FHOD3: variants seen among roughly 807,000 people sequenced by gnomAD.
FHOD3 encodes the protein formin homology 2 domain containing 3.
FHOD3 carries 90 observed loss-of-function variants against 173.0 expected under a neutral mutation model. That is an observed-to-expected ratio of 0.52 (90% confidence interval 0.44 to 0.62). The LOEUF (loss-of-function observed/expected upper bound fraction) is 0.62. FHOD3 is among the 20% of genes least tolerant of loss of function. The pLI, the probability that FHOD3 is intolerant of heterozygous loss-of-function variation, is 0.00. For synonymous variants in FHOD3, 828 were observed against 823.0 expected, an observed-to-expected ratio of 1.01 and a Z score of -0.10; for missense variants, 1,945 against 2,034.7, an observed-to-expected ratio of 0.96 and a Z score of 0.85.
chr18:36,644,598 G>T (rs561890852), intron 10 of FHOD3, among the ~76,000 whole-genome samples: 85 of 152,340 alleles, frequency 5.6e-4, no homozygotes, highest in Non-Finnish European at 1.0e-3. Flanking sequence ...ATCATATGAA[G>T]ATTTATTGTG....
At chr18:36,729,089 C>T (rs192946847) in intron 19 of FHOD3, among the ~76,000 whole-genome samples, 14 of 152,352 alleles carry the variant, frequency 9.2e-5, no homozygotes, top group Admixed American at 4.6e-4. Context: ...CTGAGCCCCT[C>T]CACCACCAGG....
intron 3 of FHOD3, among the ~76,000 whole-genome samples, chr18:36,484,975 A>G (rs776224219): frequency 6.6e-6 from 1 of 152,040 alleles, no homozygotes; most frequent in Non-Finnish European, 1.5e-5. Context: ...TGTGGCCCAC[A>G]CAGAGGGTGT....
intron 3 of FHOD3, among the ~76,000 whole-genome samples, chr18:36,457,195 G>A (rs961476265): frequency 6.6e-6 from 1 of 152,142 alleles, no homozygotes; most frequent in African/African-American, 2.4e-5. Context: ...ATATTTTGCT[G>A]TGTGTTGGTG....
chr18:36,635,832 T>C (rs1342458032), intron 10 of FHOD3, among the ~76,000 whole-genome samples: 1 of 152,168 alleles, frequency 6.6e-6, no homozygotes, highest in Non-Finnish European at 1.5e-5. Flanking sequence ...GAGAACTGGC[T>C]GGGGAAAACC....
chr18:36,662,238 C>A (rs753873330), intron 14 of FHOD3, among the ~76,000 whole-genome samples: 23 of 152,098 alleles, frequency 1.5e-4, no homozygotes, highest in Non-Finnish European at 2.8e-4. Context: ...CTTGCCTTGT[C>A]AATGTGAGGA....
chr18:36,556,973 G>A (rs1007819509), intron 5 of FHOD3, among the ~76,000 whole-genome samples: 1 of 152,094 alleles, frequency 6.6e-6, no homozygotes, highest in Non-Finnish European at 1.5e-5. Flanking sequence ...TTTTTCTCCA[G>A]CGCTGTAAAT....
intron 9 of FHOD3, among the ~76,000 whole-genome samples, chr18:36,625,058 C>T (rs944282999): frequency 6.6e-6 from 1 of 152,190 alleles, no homozygotes; most frequent in African/African-American, 2.4e-5. Flanking sequence ...GCTCTGGCCA[C>T]TTCTGAGCAC....
intron 18 of FHOD3, chr18:36,710,343 G>C (rs542239595): frequency 2.0e-5 from 3 of 152,090 alleles, no homozygotes; most frequent in African/African-American, 7.2e-5. Context: ...CATATGAGTG[G>C]CACCCACTCG....
chr18:36,374,712 G>C (rs973561818), intron 3 of FHOD3, among the ~76,000 whole-genome samples: 1 of 152,346 alleles, frequency 6.6e-6, no homozygotes, highest in East Asian at 1.9e-4. Flanking sequence ...AGTTGTAAAA[G>C]AAAGTCTACA....
In FHOD3 at chr18:36,779,560, G is replaced by A; in HGVS notation, c.*30G>A. On this transcript the variant is annotated 3_prime_UTR_variant, in exon 29 of 29. Coordinates refer to ENST00000590592, the MANE Select transcript of FHOD3 (RefSeq NM_001281740.3). ...CATAGGTTACTCCCAGGAGTGTGCT[G>A]AGCAGAAGGCAAGCTCTTGCTGGAT... 6.2e-7 allele frequency: 1 copy of A among 1,604,078 alleles called. No homozygotes were observed. Among genetic ancestry groups the A allele is most frequent in the Middle Eastern group, 1.7e-4 (1 of 6,038 alleles).
intron 3 of FHOD3, among the ~76,000 whole-genome samples, chr18:36,417,850 G>T (rs2049755410): frequency 6.6e-6 from 1 of 152,132 alleles, no homozygotes; most frequent in African/African-American, 2.4e-5. Flanking sequence ...TATAATGTTG[G>T]CCTTAATTTC....
At chr18:36,315,512 G>A (rs2044072236) in intron 1 of FHOD3, among the ~76,000 whole-genome samples, 1 of 152,092 alleles carries the variant, frequency 6.6e-6, no homozygotes. Context: ...GATGAAACTG[G>A]GGGGCTCCTG....
chr18:36,371,909 C>T (rs1268942637), intron 2 of FHOD3, among the ~76,000 whole-genome samples: 1 of 152,158 alleles, frequency 6.6e-6, no homozygotes, highest in Non-Finnish European at 1.5e-5. Flanking sequence ...CCACTGCCTT[C>T]CCCTTTTCTC....
At chr18:36,413,584 A>G (rs1391537470) in intron 3 of FHOD3, among the ~76,000 whole-genome samples, 3 of 152,126 alleles carry the variant, frequency 2.0e-5, no homozygotes, top group Non-Finnish European at 4.4e-5. Flanking sequence ...CCAGATCTCT[A>G]TTTATCAAGC....
At chr18:36,735,858 T>C (rs754875247) in intron 20 of FHOD3, among the ~76,000 whole-genome samples, 1 of 152,236 alleles carries the variant, frequency 6.6e-6, no homozygotes. Flanking sequence ...TATAGTTTCA[T>C]GTGCAGGTAG....
intron 3 of FHOD3, among the ~76,000 whole-genome samples, chr18:36,424,624 C>T (rs964417854): frequency 6.6e-6 from 1 of 152,154 alleles, no homozygotes; most frequent in Non-Finnish European, 1.5e-5. Flanking sequence ...GGAAATAGCA[C>T]TCTAACTATA....
At chr18:36,349,561 C>G (rs16967784) in intron 1 of FHOD3, among the ~76,000 whole-genome samples, 8,651 of 152,176 alleles carry the variant, frequency 0.057, 828 homozygotes, top group African/African-American at 0.2. Flanking sequence ...ATTTATAGAA[C>G]GGTTCTGTGC....
At chr18:36,382,436 A>T (rs550309973) in intron 3 of FHOD3, among the ~76,000 whole-genome samples, 1 of 152,326 alleles carries the variant, frequency 6.6e-6, no homozygotes, top group South Asian at 2.1e-4. Context: ...AAGGCTGGAG[A>T]TAATTCCACC....
chr18:36,304,516 G>A (rs2092040019), intron 1 of FHOD3, among the ~76,000 whole-genome samples: 1 of 152,154 alleles, frequency 6.6e-6, no homozygotes. Flanking sequence ...TGTATGATCT[G>A]AGTGTGTTTT....
Sources: gnomAD v4.1 joint callset for allele counts (sites outside exome capture counted in the v4.1 genomes callset) on GRCh38, gnomAD v4.1.1 for gene constraint, MANE v1.5 for transcripts, NCBI Gene and HGNC (gene_info 2026-07-23, HGNC 2026-07-21) for gene names.